Variants in KRT8 observed in about 807,000 individuals in gnomAD.
The protein encoded by KRT8 is keratin, type II cytoskeletal 8.
A neutral mutation model predicts 43.0 loss-of-function variants in KRT8; 24 were observed. The ratio of observed to expected loss-of-function variants is 0.56; its 90% CI spans 0.40 to 0.78. KRT8 has a LOEUF of 0.78. Among genes scored for constraint, KRT8 ranks in the 30% least tolerant of loss-of-function variants. The probability of loss-of-function intolerance (pLI) is 0.00; values close to 1 mark genes in which losing one functional copy is unlikely to be tolerated. For missense variants in KRT8, 492 were observed against 638.4 expected, an observed-to-expected ratio of 0.77 and a Z score of 2.47; for synonymous variants, 214 against 261.2, an observed-to-expected ratio of 0.82 and a Z score of 1.74.
chr12:52,945,128 AC>A (rs1161355262), intron 2 of KRT8, among the ~76,000 whole-genome samples: 1 of 151,696 alleles, frequency 6.6e-6, no homozygotes, highest in Non-Finnish European at 1.5e-5. Context: ...TTCCCATTCC[AC>A]CCCAGATTCC....
intron 2 of KRT8, among the ~76,000 whole-genome samples, chr12:52,930,801 C>A (rs143299108): frequency 6.7e-4 from 102 of 152,066 alleles, no homozygotes; most frequent in African/African-American, 2.3e-3. Flanking sequence ...CTCAAGCAAT[C>A]CTCCCACCTT....
At chr12:52,932,662 A>G (rs978406938) in intron 2 of KRT8, among the ~76,000 whole-genome samples, 4 of 152,098 alleles carry the variant, frequency 2.6e-5, no homozygotes, top group African/African-American at 7.2e-5. Flanking sequence ...AATCCCAGCC[A>G]TGGGCAGTAT....
chr12:52,938,156 ATATATATATATATATTTTT>A (rs1288312807), intron 2 of KRT8, among the ~76,000 whole-genome samples: 1 of 31,942 alleles, frequency 3.1e-5, no homozygotes, highest in Admixed American at 2.5e-4. Flanking sequence ...ATATATATAT[ATATATATATATATATTTTT>A]TTTTTTTTTT....
rs765238924 is a variant in KRT8, at chr12:52,898,492, A to T, written c.1230T>A (p.Ser410Arg). 5 of 1,613,766 alleles carry T rather than the reference A, an allele frequency of 3.1e-6. No homozygotes were observed. In the East Asian group the frequency reaches 1.1e-4, roughly 36 times the overall value. Reference sequence around the variant, plus strand: ...AGCCGCTGGTGGTCTTCGTATGAATACTCATGTTCTGCATCCCAGACTCCA... The same window carrying T: ...AGCCGCTGGTGGTCTTCGTATGAATTCTCATGTTCTGCATCCCAGACTCCA... The change falls in exon 7 of 8, where the codon AGT becomes AGA. Residue 410 changes from serine to arginine, a missense_variant. Ser to Arg is a moderately radical substitution (Grantham distance 110). Coordinates refer to ENST00000692008, the Ensembl canonical transcript of KRT8.
chr12:52,939,737 A>T (rs1192174599), intron 2 of KRT8, among the ~76,000 whole-genome samples: 2 of 151,708 alleles, frequency 1.3e-5, no homozygotes, highest in African/African-American at 4.8e-5. Flanking sequence ...AAAAAAAAAG[A>T]AAAAAAGGAA....
chr12:52,918,191 A>AAGAAGAAGAAGAAGAAGAAGAAGAAGT (rs879808922), intron 2 of KRT8, among the ~76,000 whole-genome samples: 1 of 121,946 alleles, frequency 8.2e-6, no homozygotes, highest in African/African-American at 3.4e-5. Flanking sequence ...GAAGAAGAAG[A>AAGAAGAAGAAGAAGAAGAAGAAGAAGT]AGAAGAAGAA....
intron 2 of KRT8, among the ~76,000 whole-genome samples, chr12:52,920,101 T>C (rs1941852652): frequency 6.6e-6 from 1 of 152,216 alleles, no homozygotes; most frequent in African/African-American, 2.4e-5. Context: ...CTCTTTTCAA[T>C]TATGCTGTTT....
intron 4 of KRT8, 48 bp downstream of exon 4, chr12:52,900,540 C>T (rs375402364): frequency 1.7e-5 from 21 of 1,233,620 alleles, no homozygotes; most frequent in East Asian, 6.9e-5. Flanking sequence ...AGGGTGGAGG[C>T]GCTGACAAGG....
At chr12:52,902,477 A>G (rs1301689028) in intron 1 of KRT8, among the ~76,000 whole-genome samples, 1 of 152,054 alleles carries the variant, frequency 6.6e-6, no homozygotes, top group Admixed American at 6.5e-5. Flanking sequence ...TCCCAAGTTC[A>G]TGCCATTCTC....
At chr12:52,906,685 G>A (rs371925684), upstream of KRT8, 329 of 455,954 alleles carry the variant, frequency 7.2e-4, 5 homozygotes, top group South Asian at 4.9e-3. Flanking sequence ...AGATACTGCA[G>A]GGTGTGATGT....
intron 1 of KRT8, 86 bp from the exon 2 acceptor site, chr12:52,902,158 T>C (rs1336171769): frequency 3.6e-6 from 3 of 832,836 alleles, no homozygotes; most frequent in African/African-American, 3.3e-5. Flanking sequence ...TTCTCTTAAT[T>C]CACTCCTCAA....
At chr12:52,901,318 G>A (rs1941364082) in intron 2 of KRT8, 99 bp from the exon 3 acceptor site, 5 of 875,780 alleles carry the variant, frequency 5.7e-6, no homozygotes. Context: ...GGAAAATTCA[G>A]TTCACAGAGA....
chr12:52,935,708 A>T (rs1942159948), intron 2 of KRT8, among the ~76,000 whole-genome samples: 1 of 150,864 alleles, frequency 6.6e-6, no homozygotes, highest in South Asian at 2.1e-4. Context: ...CAGTGGTGTG[A>T]TCATAGCTCC....
chr12:52,900,716 G>T, intron 3 of KRT8, 33 bp from the exon 4 acceptor site: 1 of 1,509,236 alleles, frequency 6.6e-7, no homozygotes, highest in Non-Finnish European at 9.2e-7. Flanking sequence ...CCTGAGCTGG[G>T]TTTCCACACC....
chr12:52,929,587 G>A (rs1942051824), intron 2 of KRT8, among the ~76,000 whole-genome samples: 1 of 151,850 alleles, frequency 6.6e-6, no homozygotes, highest in South Asian at 2.1e-4. Flanking sequence ...CTTCTTCCTT[G>A]AATCCTTTTT....
chr12:52,945,164 T>TCTC (rs1942324714), intron 2 of KRT8, among the ~76,000 whole-genome samples: 1 of 152,172 alleles, frequency 6.6e-6, no homozygotes, highest in African/African-American at 2.4e-5. Flanking sequence ...CTACCCCAGA[T>TCTC]CTCCCTCTGT....
At chr12:52,921,675 C>T (rs1941888879) in intron 2 of KRT8, among the ~76,000 whole-genome samples, 1 of 152,138 alleles carries the variant, frequency 6.6e-6, no homozygotes, top group Non-Finnish European at 1.5e-5. Flanking sequence ...AGGCTTCTCC[C>T]TCCAGCCCTC....
At position 52,902,363 on chromosome 12, in the gene KRT8, G is replaced by A. The variant is rs145960339; in HGVS notation, c.325-291C>T. ...AATAGGCCTAACTTCATTTACATAG[G>A]TTGTATATTACACATCAATAAAAAT... On this transcript the variant is annotated intron_variant, in intron 1 of 7. Coordinates refer to ENST00000692008, the Ensembl canonical transcript of KRT8. Among the ~76,000 whole-genome samples the A allele has an allele frequency of 2.0e-3, 300 of 152,230 alleles. 1 individual carries two copies. The highest frequency in any genetic ancestry group is 7.0e-3 in the African/African-American group (290 of 41,548).
At chr12:52,897,421 C>T (rs1390087131) in exon 8 of KRT8, 6 of 1,598,012 alleles carry the variant, frequency 3.8e-6, no homozygotes, top group Non-Finnish European at 5.1e-6. Flanking sequence ...GGGGCTGCCG[C>T]AGCTGTTCAC....
Sources: gnomAD v4.1 joint callset for allele counts (sites outside exome capture counted in the v4.1 genomes callset) on GRCh38, gnomAD v4.1.1 for gene constraint, MANE v1.5 for transcripts, NCBI Gene and HGNC (gene_info 2026-07-23, HGNC 2026-07-21) for gene names.